The following KIAA1217 variants were observed in gnomAD, a reference collection of about 807,000 sequenced individuals.
The protein encoded by KIAA1217 is sickle tail protein homolog.
A neutral mutation model predicts 163.9 loss-of-function variants in KIAA1217; 88 were observed. That is an observed-to-expected ratio of 0.54 (90% CI 0.45 to 0.64). The LOEUF is 0.64. Ranked by LOEUF, KIAA1217 falls within the 30% of genes least tolerant of loss-of-function variation. KIAA1217 has a pLI of 0.00. For missense variants in KIAA1217, 2,372 were observed against 2,475.0 expected, an observed-to-expected ratio of 0.96 and a Z score of 0.88; for synonymous variants, 903 against 923.1, an observed-to-expected ratio of 0.98 and a Z score of 0.39.
At chr10:24,345,827 C>A (rs531449872) in intron 2 of KIAA1217, among the ~76,000 whole-genome samples, 1 of 149,812 alleles carries the variant, frequency 6.7e-6, no homozygotes, top group Non-Finnish European at 1.5e-5. Flanking sequence ...ATACACATAA[C>A]GTAAAATTAC....
At chr10:24,080,180 G>A (rs1276077901) in intron 2 of KIAA1217, among the ~76,000 whole-genome samples, 1 of 152,120 alleles carries the variant, frequency 6.6e-6, no homozygotes, top group African/African-American at 2.4e-5. Context: ...TTTCTTGTAC[G>A]TGTATTGGAT....
At chr10:24,458,846 G>A (rs939292354) in intron 5 of KIAA1217, among the ~76,000 whole-genome samples, 3 of 152,124 alleles carry the variant, frequency 2.0e-5, no homozygotes, top group Non-Finnish European at 2.9e-5. Flanking sequence ...GCTGTCCAAA[G>A]GATTTAACCA....
intron 8 of KIAA1217, among the ~76,000 whole-genome samples, chr10:24,497,735 A>AG (rs2066985791): frequency 6.6e-6 from 1 of 151,540 alleles, no homozygotes; most frequent in African/African-American, 2.4e-5. Flanking sequence ...AAAAAAAAAA[A>AG]AGTGACAGCC....
chr10:24,379,934 C>T (rs931608721), intron 2 of KIAA1217, among the ~76,000 whole-genome samples: 3 of 152,126 alleles, frequency 2.0e-5, no homozygotes, highest in African/African-American at 7.2e-5. Flanking sequence ...TGCCTGTAAT[C>T]CCAGCTACTT....
chr10:24,328,834 A>G (rs2045285610), intron 2 of KIAA1217, among the ~76,000 whole-genome samples: 1 of 151,920 alleles, frequency 6.6e-6, no homozygotes, highest in Non-Finnish European at 1.5e-5. Context: ...TCCCAGTTTT[A>G]TTAAGTGAAT....
intron 1 of KIAA1217, among the ~76,000 whole-genome samples, chr10:24,001,171 T>A (rs1330747397): frequency 6.6e-6 from 1 of 152,224 alleles, no homozygotes; most frequent in African/African-American, 2.4e-5. Flanking sequence ...ATATGGCTCA[T>A]CTTACATAAT....
chr10:24,524,910 C>T lies in KIAA1217; in HGVS notation c.2898+146C>T, dbSNP rs191068273. 11 of 750,134 alleles carry T rather than the reference C, an allele frequency of 1.5e-5. No homozygotes were observed. The East Asian group carries it at 2.5e-4, about 17-fold the overall frequency. 46.5% of individuals were successfully genotyped at this position (750,134 alleles called of 1,614,324 possible). Reference sequence around the variant, plus strand: ...GGAAGTGGAAGTGGGATTCAGTGGCCAGGTTAAGAGATAGGTCATGTGGTT... The same window carrying T: ...GGAAGTGGAAGTGGGATTCAGTGGCTAGGTTAAGAGATAGGTCATGTGGTT... On this transcript the variant is annotated intron_variant, in intron 13 of 20. Coordinates refer to ENST00000376454, the MANE Select transcript of KIAA1217 (RefSeq NM_019590.5).
At chr10:23,848,267 T>A (rs545310681) in intron 1 of KIAA1217, among the ~76,000 whole-genome samples, 6 of 152,202 alleles carry the variant, frequency 3.9e-5, no homozygotes, top group Admixed American at 2.0e-4. Flanking sequence ...TGATTATCCT[T>A]GTTAATTTTC....
intron 1 of KIAA1217, among the ~76,000 whole-genome samples, chr10:23,764,119 AC>A (rs1211983398): frequency 3.3e-5 from 5 of 152,156 alleles, no homozygotes; most frequent in East Asian, 1.9e-4. Flanking sequence ...AAGAAAAAAA[AC>A]AACCCCATCA....
chr10:23,783,363 A>G (rs142220796), intron 1 of KIAA1217, among the ~76,000 whole-genome samples: 1 of 152,302 alleles, frequency 6.6e-6, no homozygotes, highest in Non-Finnish European at 1.5e-5. Context: ...CATATATTAC[A>G]TTGATTTATT....
At chr10:24,252,455 C>A in intron 2 of KIAA1217, among the ~76,000 whole-genome samples, 1 of 152,070 alleles carries the variant, frequency 6.6e-6, no homozygotes, top group East Asian at 1.9e-4. Context: ...TGGCACACAC[C>A]TGTGGTCCTA....
chr10:24,488,424 G>A (rs1389673760), intron 6 of KIAA1217, among the ~76,000 whole-genome samples: 1 of 152,158 alleles, frequency 6.6e-6, no homozygotes, highest in Non-Finnish European at 1.5e-5. Flanking sequence ...TTTTAGGGGA[G>A]ACAGAACGTA....
chr10:24,323,156 A>G (rs1320375763), intron 2 of KIAA1217, among the ~76,000 whole-genome samples: 3 of 151,920 alleles, frequency 2.0e-5, no homozygotes, highest in East Asian at 1.9e-4. Flanking sequence ...GAGTCTTGCT[A>G]TGTTGCCCAG....
chr10:23,871,156 G>T (rs1374928342), intron 1 of KIAA1217, among the ~76,000 whole-genome samples: 3 of 151,964 alleles, frequency 2.0e-5, no homozygotes, highest in African/African-American at 7.2e-5. Context: ...GTCTTAACTG[G>T]TTGGAGTTTT....
At chr10:23,871,813 C>T (rs556499731) in intron 1 of KIAA1217, among the ~76,000 whole-genome samples, 2 of 152,100 alleles carry the variant, frequency 1.3e-5, no homozygotes, top group African/African-American at 4.8e-5. Context: ...CAACTAAAAC[C>T]ATTTGCTCAT....
At chr10:24,172,081 A>G (rs1291791667) in intron 2 of KIAA1217, among the ~76,000 whole-genome samples, 2 of 152,238 alleles carry the variant, frequency 1.3e-5, no homozygotes, top group African/African-American at 4.8e-5. Flanking sequence ...ACAAAAAATT[A>G]AGCCCCAAAC....
chr10:23,841,742 A>G lies in KIAA1217; in HGVS notation c.-321+146508A>G, dbSNP rs983679316. Among the ~76,000 whole-genome samples the G allele has an allele frequency of 7.9e-5, 12 of 152,180 alleles. 1 individual carries two copies. Among genetic ancestry groups the G allele is most frequent in the Admixed American group, 7.2e-4 (11 of 15,256 alleles). ...TAAACTTAATGGGTAATTTATTATT[A>G]TAATGTTGAGGTGTCTCTCAGAATA... On this transcript the variant is annotated intron_variant, in intron 1 of 18. Transcript: ENST00000376462.
intron 1 of KIAA1217, among the ~76,000 whole-genome samples, chr10:23,889,760 T>C (rs1671285854): frequency 6.6e-6 from 1 of 151,872 alleles, no homozygotes. Flanking sequence ...TGACCTACGA[T>C]AGAGTTGAAA....
chr10:23,767,159 A>G (rs1834571937), intron 1 of KIAA1217, among the ~76,000 whole-genome samples: 1 of 152,230 alleles, frequency 6.6e-6, no homozygotes, highest in Non-Finnish European at 1.5e-5. Flanking sequence ...TGTGAATGCA[A>G]TGGCCAACAG....
Sources: allele counts gnomAD v4.1 joint callset (sites outside exome capture counted in the v4.1 genomes callset), GRCh38; gene constraint gnomAD v4.1.1; transcripts MANE v1.5; gene names NCBI Gene and HGNC (gene_info 2026-07-23, HGNC 2026-07-21).